Variants in TMEM132D observed in about 807,000 individuals in gnomAD.
The protein encoded by TMEM132D is mature OL transmembrane protein.
In TMEM132D, 21 loss-of-function variants were observed where a neutral mutation model predicts 62.3. That is an observed-to-expected ratio of 0.34 (90% confidence interval 0.24 to 0.49). The LOEUF (loss-of-function observed/expected upper bound fraction) is 0.49, where lower values mean the gene tolerates loss of function less well. Among genes scored for constraint, TMEM132D ranks in the 20% least tolerant of loss-of-function variants. The probability of loss-of-function intolerance (pLI) is 0.99; values close to 1 mark genes in which losing one functional copy is unlikely to be tolerated. For missense variants in TMEM132D, 1,346 were observed against 1,402.8 expected, an observed-to-expected ratio of 0.96 and a Z score of 0.65; for synonymous variants, 621 against 575.6, an observed-to-expected ratio of 1.08 and a Z score of -1.13.
At position 129,449,746 on chromosome 12, in the gene TMEM132D, G is replaced by A. The variant is rs185077008; in HGVS notation, c.1115+81313C>T. On this transcript the variant is annotated intron_variant, in intron 3 of 8. Coordinates refer to ENST00000422113, the MANE Select transcript of TMEM132D (RefSeq NM_133448.3). Reference sequence around the variant, plus strand: ...TTTTAAAATTTGTAAGTTTGATATCGTGTGGTCCTCAGGGAAAGCCAACTA... The same window carrying A: ...TTTTAAAATTTGTAAGTTTGATATCATGTGGTCCTCAGGGAAAGCCAACTA... 7.7e-3 allele frequency among the ~76,000 whole-genome samples: 1,170 copies of A among 152,224 alleles called. 4 individuals are homozygous for A. The highest frequency in any genetic ancestry group is 0.014 in the Middle Eastern group (4 of 294).
intron 4 of TMEM132D, among the ~76,000 whole-genome samples, chr12:129,282,757 C>T (rs899951160): frequency 6.6e-6 from 1 of 152,114 alleles, no homozygotes; most frequent in Non-Finnish European, 1.5e-5. Flanking sequence ...GACGGTTGTA[C>T]CCAGGAGACC....
intron 5 of TMEM132D, among the ~76,000 whole-genome samples, chr12:129,195,422 A>G (rs1321143108): frequency 2.0e-5 from 3 of 152,068 alleles, no homozygotes; most frequent in Admixed American, 6.5e-5. Context: ...GACAGAAACC[A>G]TGGGAGGATT....
intron 1 of TMEM132D, among the ~76,000 whole-genome samples, chr12:129,882,574 T>C (rs934482536): frequency 6.6e-6 from 1 of 152,062 alleles, no homozygotes; most frequent in Non-Finnish European, 1.5e-5. Context: ...TAATACATAG[T>C]TTAAAATAGC....
At chr12:129,130,104 C>A (rs1222822348) in intron 5 of TMEM132D, among the ~76,000 whole-genome samples, 1 of 149,160 alleles carries the variant, frequency 6.7e-6, no homozygotes, top group Non-Finnish European at 1.5e-5. Flanking sequence ...TATTTATTGA[C>A]CACTGGGGTG....
At chr12:129,403,910 C>T (rs763729921) in intron 3 of TMEM132D, among the ~76,000 whole-genome samples, 5 of 151,906 alleles carry the variant, frequency 3.3e-5, no homozygotes, top group African/African-American at 1.2e-4. Flanking sequence ...GGAGGAGTGG[C>T]GAGAGCTAAG....
intron 5 of TMEM132D, among the ~76,000 whole-genome samples, chr12:129,093,123 C>G (rs1874985401): frequency 1.3e-5 from 2 of 152,186 alleles, no homozygotes; most frequent in African/African-American, 4.8e-5. Flanking sequence ...ATTTACTAGA[C>G]TGGAAGAGGA....
chr12:129,495,722 G>T lies in TMEM132D; in HGVS notation c.1115+35337C>A, dbSNP rs190312511. On this transcript the variant is annotated intron_variant, in intron 3 of 8. Coordinates refer to ENST00000422113, the MANE Select transcript of TMEM132D (RefSeq NM_133448.3). ...CAAGCCTAAGACAATGGGGAGTGCC[G>T]AAGGCTTTGACGGGGTGGGGACAGG... Among the ~76,000 whole-genome samples, 6 of 152,250 alleles carry T rather than the reference G, an allele frequency of 3.9e-5. No individual in the cohort carries two copies. In the South Asian group the frequency reaches 1.2e-3, roughly 32 times the overall value.
At chr12:129,663,907 C>T (rs1346431943) in intron 2 of TMEM132D, among the ~76,000 whole-genome samples, 3 of 151,728 alleles carry the variant, frequency 2.0e-5, no homozygotes, top group Admixed American at 2.0e-4. Context: ...AAAGAAGTTG[C>T]ATGGAATTTA....
intron 1 of TMEM132D, among the ~76,000 whole-genome samples, chr12:129,753,855 T>C (rs58749461): frequency 1.0e-3 from 152 of 152,358 alleles, no homozygotes; most frequent in African/African-American, 3.2e-3. Context: ...TTTCCCCCTA[T>C]AATTCTTTCT....
intron 4 of TMEM132D, among the ~76,000 whole-genome samples, chr12:129,323,381 C>A (rs925063086): frequency 1.3e-5 from 2 of 151,412 alleles, no homozygotes; most frequent in African/African-American, 4.8e-5. Flanking sequence ...GGATTAACAC[C>A]AAACTCTGTG....
At chr12:129,774,148 G>C (rs974960726) in intron 1 of TMEM132D, among the ~76,000 whole-genome samples, 3 of 152,196 alleles carry the variant, frequency 2.0e-5, no homozygotes, top group Non-Finnish European at 2.9e-5. Flanking sequence ...AGGAAGAGGA[G>C]TGTTGCCTGA....
intron 4 of TMEM132D, among the ~76,000 whole-genome samples, chr12:129,252,246 C>G (rs1449211897): frequency 1.3e-5 from 2 of 151,876 alleles, no homozygotes; most frequent in African/African-American, 2.4e-5. Context: ...CCATCTCAGC[C>G]CAATAAAGAA....
chr12:129,514,989 T>C (rs1332281726), intron 3 of TMEM132D, among the ~76,000 whole-genome samples: 2 of 152,206 alleles, frequency 1.3e-5, no homozygotes, highest in Non-Finnish European at 2.9e-5. Context: ...GAGAGACTCA[T>C]TTAATCAAAG....
At chr12:129,112,995 G>A (rs1875771109) in intron 5 of TMEM132D, 2 of 152,232 alleles carry the variant, frequency 1.3e-5, no homozygotes, top group South Asian at 2.1e-4. Flanking sequence ...GGCAGATGCT[G>A]TAATGATGTA....
At chr12:129,137,331 A>G (rs114797906) in intron 5 of TMEM132D, among the ~76,000 whole-genome samples, 1,557 of 152,284 alleles carry the variant, frequency 0.01, 30 homozygotes, top group African/African-American at 0.035. Flanking sequence ...ATCATGTGCT[A>G]TGCAAATTAC....
Position 129,267,107 on chromosome 12 carries a change from A to G in TMEM132D, c.1300-57444T>C, listed in dbSNP as rs140120004. Among the ~76,000 whole-genome samples the G allele has an allele frequency of 1.7e-3, 251 of 152,066 alleles. 1 individual carries two copies. The highest frequency in any genetic ancestry group is 5.6e-3 in the African/African-American group (231 of 41,472). ...CATTTCATCCCTTCTCTTCCTCATT[A>G]TACTCCAGCCACACTGGCCTTCTTT... is the stretch of plus-strand genomic sequence containing the variant. On this transcript the variant is annotated intron_variant, in intron 4 of 8. Coordinates refer to ENST00000422113, the MANE Select transcript of TMEM132D (RefSeq NM_133448.3).
chr12:129,851,451 C>G (rs556186179), intron 1 of TMEM132D, among the ~76,000 whole-genome samples: 1 of 152,036 alleles, frequency 6.6e-6, no homozygotes, highest in Non-Finnish European at 1.5e-5. Flanking sequence ...ATTGTACGCA[C>G]GCCAGCATTA....
At chr12:129,199,276 A>G (rs1184235565) in intron 5 of TMEM132D, among the ~76,000 whole-genome samples, 1 of 151,982 alleles carries the variant, frequency 6.6e-6, no homozygotes, top group Non-Finnish European at 1.5e-5. Flanking sequence ...TAATTTTTGT[A>G]TTTTTGGTAG....
chr12:129,266,735 C>T (rs540271673), intron 4 of TMEM132D, among the ~76,000 whole-genome samples: 32 of 152,074 alleles, frequency 2.1e-4, no homozygotes, highest in African/African-American at 7.2e-4. Context: ...TTTCAGAGTT[C>T]TTATCAGCCA....
Sources: allele counts gnomAD v4.1 joint callset (sites outside exome capture counted in the v4.1 genomes callset), GRCh38; gene constraint gnomAD v4.1.1; transcripts MANE v1.5; gene names NCBI Gene and HGNC (gene_info 2026-07-23, HGNC 2026-07-21).